CATSPER2: variants seen among roughly 807,000 people sequenced by gnomAD.
CATSPER2 encodes the protein cation channel sperm associated 2.
A neutral mutation model predicts 68.8 loss-of-function variants in CATSPER2; 56 were observed. The ratio of observed to expected loss-of-function variants is 0.81; its 90% CI spans 0.66 to 1.02. The LOEUF is 1.02. Among genes scored for constraint, CATSPER2 ranks in the 50% least tolerant of loss-of-function variants. The pLI is 0.00. For missense variants in CATSPER2, 582 were observed against 642.0 expected, an observed-to-expected ratio of 0.91 and a Z score of 1.01; for synonymous variants, 198 against 229.9, an observed-to-expected ratio of 0.86 and a Z score of 1.26.
intron 4 of CATSPER2, among the ~76,000 whole-genome samples, chr15:43,644,245 T>C (rs1379692392): frequency 6.6e-6 from 1 of 152,018 alleles, no homozygotes; most frequent in Non-Finnish European, 1.5e-5. Context: ...TTAATGTTTA[T>C]CATATGAATT....
At position 43,648,750 on chromosome 15, in the gene CATSPER2, C is replaced by T. The variant is rs1170121736; in HGVS notation, c.-124G>A. 9.8e-6 allele frequency: 15 copies of T among 1,524,630 alleles called. No individual in the cohort carries two copies. The highest frequency in any genetic ancestry group is 8.1e-5 in the Admixed American group (4 of 49,596). The allele number at this position is 1,524,630 out of a possible 1,614,324, so 94.4% of individuals were successfully genotyped here. ...TCAGGGCCGGCTCCCAGCCTCACTG[C>T]GCCCCATTCCCCGCCCCGCTCGACC... On this transcript the variant is annotated 5_prime_UTR_variant, in exon 1 of 13. Transcript: ENST00000396879.
chr15:43,639,018 A>G lies in CATSPER2; in HGVS notation c.728T>C (p.Phe243Ser). The change falls in exon 7 of 13, where the codon TTC becomes TCC. Residue 243 changes from phenylalanine (F) to serine (S), a missense_variant. Phe to Ser is a radical substitution (Grantham distance 155). Transcript: ENST00000396879. ...GAAGATGAGCAGCAACATCAAGAGGAAGGTCATGCTCTAGAGGCCATAACT... is the reference window on the plus strand; with the variant it reads ...GAAGATGAGCAGCAACATCAAGAGGGAGGTCATGCTCTAGAGGCCATAACT... ...VLVRALKSMT[F>S]LLMLLLIFFY... 6.2e-7 allele frequency: 1 copy of G among 1,612,504 alleles called. No homozygotes were observed. Among genetic ancestry groups the G allele is most frequent in the Non-Finnish European group, 8.5e-7 (1 of 1,179,112 alleles).
At chr15:43,638,810 G>C in intron 7 of CATSPER2, 94 bp downstream of exon 7, 1 of 1,442,760 alleles carries the variant, frequency 6.9e-7, no homozygotes, top group Non-Finnish European at 9.7e-7. Flanking sequence ...TCTTGGAATA[G>C]ACTGCACTTT....
intron 4 of CATSPER2, among the ~76,000 whole-genome samples, chr15:43,646,154 C>T (rs1185663606): frequency 6.6e-6 from 1 of 151,666 alleles, no homozygotes; most frequent in Non-Finnish European, 1.5e-5. Flanking sequence ...TCAGGCTAAA[C>T]TGACAACAGA....
rs1317651643 is a variant in CATSPER2 at position 43,635,378 on chromosome 15, T to G, written c.1160A>C (p.His387Pro). The change falls in exon 10 of 13, where the codon CAT (histidine) becomes CCT (proline). Residue 387 changes from histidine to proline, a missense_variant. Physicochemically the swap from His to Pro is moderately conservative, Grantham distance 77 (BLOSUM62 -2). Transcript: ENST00000396879. ...NMSHEALTSSHSKIEDSSRGA... is the reference protein window; with the variant it reads ...NMSHEALTSSPSKIEDSSRGA... ...TCCTAACCTGTCCTCTATTTTGCTATGGCTTGACGTCAGTGCTTCATGTGA... is the reference window on the plus strand; with the variant it reads ...TCCTAACCTGTCCTCTATTTTGCTAGGGCTTGACGTCAGTGCTTCATGTGA... 6.2e-7 allele frequency: 1 copy of G among 1,610,324 alleles called. No homozygotes were observed. Among genetic ancestry groups the G allele is most frequent in the East Asian group, 2.2e-5 (1 of 44,822 alleles).
upstream of CATSPER2, chr15:43,648,870 GC>G (rs1204561871): frequency 2.3e-5 from 34 of 1,486,954 alleles, no homozygotes; most frequent in Middle Eastern, 3.9e-4. Context: ...CGCCGCCTAG[GC>G]CCCGCCCCGC....
intron 12 of CATSPER2, 86 bp downstream of exon 12, chr15:43,632,113 G>C: frequency 7.0e-7 from 1 of 1,435,824 alleles, no homozygotes; most frequent in South Asian, 1.2e-5. Flanking sequence ...TGAGATGCCA[G>C]AATAGTGGAC....
intron 11 of CATSPER2, 149 bp downstream of exon 11, chr15:43,632,568 A>C: frequency 6.6e-7 from 1 of 1,513,764 alleles, no homozygotes; most frequent in Non-Finnish European, 9.1e-7. Context: ...GAAGAAGTAC[A>C]GGGGAAATTA....
At chr15:43,636,407 A>G (rs1396476970) in intron 7 of CATSPER2, among the ~76,000 whole-genome samples, 188 bp from the exon 8 acceptor site, 1 of 151,474 alleles carries the variant, frequency 6.6e-6, no homozygotes, top group Non-Finnish European at 1.5e-5. Flanking sequence ...TGTTGTTTTT[A>G]TTAGATGCAG....
At chr15:43,648,105 G>C (rs778996275) in intron 1 of CATSPER2, 42 bp from the exon 2 acceptor site, 1 of 1,606,264 alleles carries the variant, frequency 6.2e-7, no homozygotes, top group Non-Finnish European at 8.5e-7. Flanking sequence ...TTCATTCTTG[G>C]AGCTGCACCA....
At chr15:43,641,513 T>C (rs1443931933) in intron 4 of CATSPER2, among the ~76,000 whole-genome samples, 2 of 136,826 alleles carry the variant, frequency 1.5e-5, no homozygotes, top group South Asian at 2.2e-4. Flanking sequence ...GCCATACCCT[T>C]GGAAAAAAAA....
chr15:43,636,497 T>C (rs1315106137), intron 7 of CATSPER2, among the ~76,000 whole-genome samples: 1 of 151,842 alleles, frequency 6.6e-6, no homozygotes, highest in East Asian at 1.9e-4. Flanking sequence ...TTCAAGAGAT[T>C]CTCCTGCCTC....
chr15:43,648,846 C>T, upstream of CATSPER2: 1 of 1,526,748 alleles, frequency 6.5e-7, no homozygotes, highest in South Asian at 1.2e-5. Context: ...CGGAGCAACG[C>T]TCGCCCAGCC....
intron 4 of CATSPER2, among the ~76,000 whole-genome samples, chr15:43,640,995 T>A (rs1164821502): frequency 6.6e-6 from 1 of 151,926 alleles, no homozygotes; most frequent in African/African-American, 2.4e-5. Flanking sequence ...CTTGGTTCTG[T>A]TAGCTTTCTT....
chr15:43,636,385 G>GT (rs967721466), intron 7 of CATSPER2, among the ~76,000 whole-genome samples, 166 bp from the exon 8 acceptor site: 10 of 151,272 alleles, frequency 6.6e-5, no homozygotes, highest in Middle Eastern at 3.4e-3. Context: ...ATAGTTTGAA[G>GT]TTTTTTTTTG....
At chr15:43,633,036 A>T (rs2085903604) in intron 10 of CATSPER2, 102 bp from the exon 11 acceptor site, 2 of 934,746 alleles carry the variant, frequency 2.1e-6, no homozygotes, top group Admixed American at 4.9e-5. Context: ...CTGGGGCATA[A>T]GACAATGAGG....
chr15:43,641,836 G>A (rs2086080206), intron 4 of CATSPER2, among the ~76,000 whole-genome samples: 1 of 151,850 alleles, frequency 6.6e-6, no homozygotes, highest in Admixed American at 6.6e-5. Flanking sequence ...GGGACCACAG[G>A]CACATGTCAC....
In CATSPER2 at chr15:43,632,776, A is replaced by G. The variant is rs1394525521; in HGVS notation, c.1337T>C (p.Val446Ala). The change falls in exon 11 of 13, where the codon GTC becomes GCC. Residue 446 changes from valine to alanine, a missense_variant. Val to Ala is a moderately conservative substitution (Grantham distance 64). Around this residue, in one of 5 missense-constraint regions of CATSPER2, gnomAD observed 235 missense variants for 264.2 expected, o/e 0.89. Coordinates refer to ENST00000396879, the MANE Select transcript of CATSPER2 (RefSeq NM_172095.4). Reference sequence around the variant, plus strand: ...AGAATAGGAAGAGGATGTGGAGGAGACACAGGAGGAAGACTGGTACTCTCT... The same window carrying G: ...AGAATAGGAAGAGGATGTGGAGGAGGCACAGGAGGAAGACTGGTACTCTCT... ...KKREYQSSSCVSSTSSSYSSS... is the reference protein window; with the variant it reads ...KKREYQSSSCASSTSSSYSSS... 1.2e-6 allele frequency: 2 copies of G among 1,613,606 alleles called. No individual in the cohort carries two copies. The highest frequency in any genetic ancestry group is 1.7e-6 in the Non-Finnish European group (2 of 1,179,814).
rs995298432 is a variant in CATSPER2 at position 43,633,015 on chromosome 15, A to G, written c.1179-81T>C. On this transcript the variant is annotated intron_variant, in intron 10 of 12. Transcript: ENST00000396879. The stretch of plus-strand genomic sequence containing the variant: ...CATTATTCTGGTTCTGCCCCTGGCC[A>G]CCCCCTAAAGCTGGGGCATAAGACA... The G allele has an allele frequency of 8.3e-6, 10 of 1,204,442 alleles. No individual in the cohort carries two copies. In the African/African-American group the frequency reaches 1.4e-4, roughly 17 times the overall value. 74.6% of individuals were successfully genotyped at this position (1,204,442 alleles called of 1,614,324 possible). A position where few individuals can be genotyped will look rare whatever the true frequency, so the allele number is the denominator to read the frequency against.
Sources: gnomAD v4.1 joint callset for allele counts (sites outside exome capture counted in the v4.1 genomes callset) on GRCh38, gnomAD v4.1.1 for gene constraint, gnomAD v4.1.1 regional missense constraint, MANE v1.5 for transcripts, NCBI Gene and HGNC (gene_info 2026-07-23, HGNC 2026-07-21) for gene names.